CHCHD6: variants seen among roughly 807,000 people sequenced by gnomAD.
CHCHD6 encodes MICOS complex subunit MIC25.
In CHCHD6, 28 loss-of-function variants were observed where a neutral mutation model predicts 32.3. The observed-to-expected ratio is 0.87, with a 90% confidence interval of 0.64 to 1.19. The LOEUF (loss-of-function observed/expected upper bound fraction) is 1.19, where lower values mean the gene tolerates loss of function less well. Among genes scored for constraint, CHCHD6 ranks in the 50% most tolerant of loss-of-function variants. The pLI is 0.00. For synonymous variants in CHCHD6, 122 were observed against 117.5 expected (o/e 1.04, Z -0.25); for missense variants, 333 against 307.0 (o/e 1.08, Z -0.63).
intron 2 of CHCHD6, among the ~76,000 whole-genome samples, chr3:126,728,907 T>C (rs571798626): frequency 1.3e-5 from 2 of 152,364 alleles, no homozygotes; most frequent in South Asian, 4.1e-4. Context: ...AAATGGACTG[T>C]CTTAAAGTTA....
At chr3:126,784,753 C>T (rs866758800) in intron 4 of CHCHD6, among the ~76,000 whole-genome samples, 2 of 152,198 alleles carry the variant, frequency 1.3e-5, no homozygotes, top group Non-Finnish European at 2.9e-5. Context: ...CCCAGTTTCA[C>T]GCTTTCACAT....
chr3:126,872,353 T>C (rs913458688), intron 5 of CHCHD6, among the ~76,000 whole-genome samples: 1 of 152,116 alleles, frequency 6.6e-6, no homozygotes, highest in Admixed American at 6.5e-5. Context: ...CTGAGCAACA[T>C]TGTGAAACTC....
At chr3:126,795,501 G>C (rs1938751010) in intron 4 of CHCHD6, among the ~76,000 whole-genome samples, 1 of 152,154 alleles carries the variant, frequency 6.6e-6, no homozygotes, top group Non-Finnish European at 1.5e-5. Flanking sequence ...CATCTTCTCA[G>C]AATGTTTTCC....
At chr3:126,816,851 A>G (rs1434359199) in intron 4 of CHCHD6, among the ~76,000 whole-genome samples, 1 of 151,892 alleles carries the variant, frequency 6.6e-6, no homozygotes, top group African/African-American at 2.4e-5. Context: ...TCCTAATGCT[A>G]TCCCTCCCCC....
chr3:126,934,833 G>A (rs2078456070), intron 6 of CHCHD6, among the ~76,000 whole-genome samples: 1 of 152,250 alleles, frequency 6.6e-6, no homozygotes, highest in South Asian at 2.1e-4. Flanking sequence ...ACAGGCGTGA[G>A]CCACCACGCC....
intron 5 of CHCHD6, among the ~76,000 whole-genome samples, chr3:126,856,502 C>G (rs552956690): frequency 7.9e-5 from 12 of 152,342 alleles, no homozygotes; most frequent in African/African-American, 2.6e-4. Context: ...CCGCTGAACC[C>G]CTTGCCATCT....
chr3:126,881,342 G>A (rs1273023533), intron 5 of CHCHD6, among the ~76,000 whole-genome samples: 1 of 152,192 alleles, frequency 6.6e-6, no homozygotes, highest in African/African-American at 2.4e-5. Flanking sequence ...TGGGGTCCTG[G>A]TGTCTCCCCC....
At chr3:126,747,012 T>C (rs916826841) in intron 4 of CHCHD6, among the ~76,000 whole-genome samples, 22 of 152,206 alleles carry the variant, frequency 1.4e-4, no homozygotes, top group Non-Finnish European at 3.1e-4. Context: ...GAGCCTCTCC[T>C]CAGCTGAGTT....
chr3:126,808,742 A>T (rs1445623688), intron 4 of CHCHD6, among the ~76,000 whole-genome samples: 2 of 152,164 alleles, frequency 1.3e-5, no homozygotes, highest in Admixed American at 6.5e-5. Flanking sequence ...TGTAAAGTGG[A>T]TACCTAATGA....
intron 5 of CHCHD6, among the ~76,000 whole-genome samples, chr3:126,884,664 T>C (rs889140328): frequency 6.6e-6 from 1 of 152,148 alleles, no homozygotes; most frequent in Non-Finnish European, 1.5e-5. Flanking sequence ...TGGAAAAGGA[T>C]GATTAGAAAA....
chr3:126,939,714 A>G (rs979994934), intron 6 of CHCHD6, among the ~76,000 whole-genome samples: 7 of 152,264 alleles, frequency 4.6e-5, no homozygotes, highest in African/African-American at 1.7e-4. Flanking sequence ...TAACAAATAC[A>G]ACAGAATTTA....
chr3:126,884,109 G>C (rs904946367), intron 5 of CHCHD6, among the ~76,000 whole-genome samples: 3 of 152,208 alleles, frequency 2.0e-5, no homozygotes, highest in Non-Finnish European at 4.4e-5. Flanking sequence ...GAAGAATGGT[G>C]CAGGCCTTGA....
chr3:126,792,241 A>G (rs1559846632), intron 4 of CHCHD6, among the ~76,000 whole-genome samples: 2 of 147,504 alleles, frequency 1.4e-5, no homozygotes, highest in African/African-American at 5.1e-5. Context: ...TATATATTCT[A>G]ATATAGAATA....
At chr3:126,815,817 G>A (rs1274974425) in intron 4 of CHCHD6, among the ~76,000 whole-genome samples, 2 of 152,176 alleles carry the variant, frequency 1.3e-5, no homozygotes, top group Admixed American at 6.5e-5. Context: ...TAGCAGTCAA[G>A]GTGCTTAGCT....
At chr3:126,724,111 A>G (rs1935431280) in intron 1 of CHCHD6, among the ~76,000 whole-genome samples, 1 of 152,202 alleles carries the variant, frequency 6.6e-6, no homozygotes, top group Admixed American at 6.5e-5. Context: ...TATCTACTGT[A>G]TGTGTGGCAC....
intron 5 of CHCHD6, among the ~76,000 whole-genome samples, chr3:126,880,886 T>C (rs2077599503): frequency 6.6e-6 from 1 of 152,222 alleles, no homozygotes; most frequent in Non-Finnish European, 1.5e-5. Flanking sequence ...GTTTCTGACA[T>C]TGTGAGTCAG....
chr3:126,741,152 G>A (rs1168254708), intron 4 of CHCHD6, among the ~76,000 whole-genome samples: 1 of 152,220 alleles, frequency 6.6e-6, no homozygotes, highest in Non-Finnish European at 1.5e-5. Flanking sequence ...CTGTGAGGCT[G>A]CAGCTGTGTT....
chr3:126,894,389 A>C (rs1258431767), intron 5 of CHCHD6, among the ~76,000 whole-genome samples: 1 of 152,228 alleles, frequency 6.6e-6, no homozygotes, highest in Non-Finnish European at 1.5e-5. Flanking sequence ...CTTGAGGCTC[A>C]TGAAGAACTC....
chr3:126,916,057 A>G (rs138205529), intron 6 of CHCHD6, among the ~76,000 whole-genome samples: 227 of 152,188 alleles, frequency 1.5e-3, no homozygotes, highest in Non-Finnish European at 2.6e-3. Context: ...GGGATACTAC[A>G]TATTGTGGCA....
Sources: gnomAD v4.1 joint callset for allele counts (sites outside exome capture counted in the v4.1 genomes callset) on GRCh38, gnomAD v4.1.1 for gene constraint, MANE v1.5 for transcripts, NCBI Gene and HGNC (gene_info 2026-07-23, HGNC 2026-07-21) for gene names.